Variants in ANKS1B observed in about 807,000 individuals in gnomAD.
ANKS1B encodes ankyrin repeat and sterile alpha motif domain-containing protein 1B.
ANKS1B carries 36 observed loss-of-function variants against 148.3 expected under a neutral mutation model. The observed-to-expected ratio is 0.24, with a 90% CI of 0.19 to 0.32. The LOEUF is 0.32. ANKS1B is among the 10% of genes least tolerant of loss of function. The probability of loss-of-function intolerance (pLI) is 1.00; values close to 1 mark genes in which losing one functional copy is unlikely to be tolerated. For missense variants in ANKS1B, 1,157 were observed against 1,542.6 expected (o/e 0.75, Z 4.19); for synonymous variants, 542 against 560.8 (o/e 0.97, Z 0.47).
intron 9 of ANKS1B, among the ~76,000 whole-genome samples, chr12:99,560,588 C>T (rs530871195): frequency 7.2e-5 from 11 of 152,056 alleles, no homozygotes; most frequent in African/African-American, 2.4e-4. Context: ...TCATTTCACC[C>T]GGGCATATAA....
chr12:99,564,198 A>T (rs2097365377), intron 9 of ANKS1B, among the ~76,000 whole-genome samples: 1 of 152,128 alleles, frequency 6.6e-6, no homozygotes, highest in Non-Finnish European at 1.5e-5. Flanking sequence ...AAATTTGCCA[A>T]AAGGTTCATA....
chr12:99,330,683 T>C (rs867658338), intron 12 of ANKS1B, among the ~76,000 whole-genome samples: 25 of 151,966 alleles, frequency 1.6e-4, no homozygotes, highest in African/African-American at 5.8e-4. Flanking sequence ...AGAAAATAAA[T>C]GCATAATTAG....
At chr12:99,165,036 A>G (rs930925209) in intron 14 of ANKS1B, among the ~76,000 whole-genome samples, 1 of 152,004 alleles carries the variant, frequency 6.6e-6, no homozygotes, top group Non-Finnish European at 1.5e-5. Context: ...AAACTGATTA[A>G]TCATAAAAGC....
chr12:99,697,744 TTAATAA>T (rs1218514700), intron 8 of ANKS1B, among the ~76,000 whole-genome samples: 13 of 152,122 alleles, frequency 8.5e-5, no homozygotes, highest in Non-Finnish European at 1.5e-4. Context: ...TGAACTTTAG[TTAATAA>T]TAATGTATCA....
intron 26 of ANKS1B, among the ~76,000 whole-genome samples, chr12:98,748,527 G>A (rs1429803519): frequency 6.6e-6 from 1 of 152,148 alleles, no homozygotes; most frequent in Non-Finnish European, 1.5e-5. Context: ...TTGTGGGAAG[G>A]CCTCTCCCAT....
At position 98,830,820 on chromosome 12, in the gene ANKS1B, C is replaced by A. The variant is rs145101026; in HGVS notation, c.2886+1209G>T. On this transcript the variant is annotated intron_variant, in intron 18 of 26. Coordinates refer to ENST00000683438, the MANE Select transcript of ANKS1B (RefSeq NM_001352186.2). Reference sequence around the variant, plus strand: ...GACTGCCGGCCACTTCTTGCCACTGCCATTTTTGCCTGGAAATCATCTTTC... The same window carrying A: ...GACTGCCGGCCACTTCTTGCCACTGACATTTTTGCCTGGAAATCATCTTTC... 1.1e-3 allele frequency among the ~76,000 whole-genome samples: 162 copies of A among 152,146 alleles called. 1 individual carries two copies. The highest frequency in any genetic ancestry group is 3.4e-3 in the Middle Eastern group (1 of 294).
intron 9 of ANKS1B, among the ~76,000 whole-genome samples, chr12:99,532,116 T>C (rs1408456954): frequency 6.6e-6 from 1 of 152,134 alleles, no homozygotes. Context: ...AGATATACAG[T>C]TTGTGGATAT....
intron 4 of ANKS1B, among the ~76,000 whole-genome samples, chr12:99,794,490 C>CACACACACACA (rs761141277): frequency 1.3e-5 from 2 of 149,554 alleles, no homozygotes; most frequent in African/African-American, 5.0e-5. Context: ...CACACACACA[C>CACACACACACA]ATTTTCTTGG....
chr12:98,989,819 G>A (rs1031836707), intron 17 of ANKS1B, among the ~76,000 whole-genome samples: 1 of 151,964 alleles, frequency 6.6e-6, no homozygotes, highest in African/African-American at 2.4e-5. Context: ...TTTGAGCCCA[G>A]GAGTTCAAGA....
intron 9 of ANKS1B, among the ~76,000 whole-genome samples, chr12:99,552,614 C>A (rs939737768): frequency 2.0e-5 from 3 of 152,118 alleles, no homozygotes; most frequent in African/African-American, 7.2e-5. Flanking sequence ...TATATTATGG[C>A]TGGGAATTAA....
intron 8 of ANKS1B, among the ~76,000 whole-genome samples, chr12:99,682,177 C>T (rs1420073733): frequency 6.6e-6 from 1 of 152,184 alleles, no homozygotes; most frequent in Admixed American, 6.5e-5. Flanking sequence ...CTTCAATACT[C>T]CACTGACAGC....
At chr12:99,218,787 C>T (rs1049569893) in intron 14 of ANKS1B, among the ~76,000 whole-genome samples, 1 of 152,112 alleles carries the variant, frequency 6.6e-6, no homozygotes, top group African/African-American at 2.4e-5. Flanking sequence ...ACTAATAGTG[C>T]CAAGCTCATA....
At chr12:99,008,142 C>T (rs1045700190) in intron 17 of ANKS1B, among the ~76,000 whole-genome samples, 4 of 152,096 alleles carry the variant, frequency 2.6e-5, no homozygotes, top group South Asian at 2.1e-4. Flanking sequence ...ATACTTAGCA[C>T]CTGTTTCCCC....
chr12:99,176,880 C>G (rs2078459041), intron 14 of ANKS1B, among the ~76,000 whole-genome samples: 1 of 152,154 alleles, frequency 6.6e-6, no homozygotes, highest in African/African-American at 2.4e-5. Flanking sequence ...CCTGTACAGC[C>G]TGCAGAGCCA....
At chr12:99,550,467 T>C (rs1216439076) in intron 9 of ANKS1B, among the ~76,000 whole-genome samples, 1 of 151,942 alleles carries the variant, frequency 6.6e-6, no homozygotes, top group Non-Finnish European at 1.5e-5. Context: ...CTACTAAAAA[T>C]ATACAAGTTA....
chr12:98,891,857 T>G (rs891030255), intron 17 of ANKS1B, among the ~76,000 whole-genome samples: 2 of 152,226 alleles, frequency 1.3e-5, no homozygotes, highest in Non-Finnish European at 2.9e-5. Context: ...GGTAGTCAAC[T>G]GGAGCCTATT....
intron 11 of ANKS1B, among the ~76,000 whole-genome samples, chr12:99,429,091 T>A (rs564480561): frequency 1.6e-4 from 25 of 152,248 alleles, no homozygotes; most frequent in African/African-American, 6.0e-4. Flanking sequence ...GAATGGGATA[T>A]TCACATAGTT....
chr12:98,955,492 G>A (rs1454251996), intron 17 of ANKS1B, among the ~76,000 whole-genome samples: 1 of 152,154 alleles, frequency 6.6e-6, no homozygotes, highest in Admixed American at 6.5e-5. Context: ...GCCAGAAGGG[G>A]GACAAGGTGG....
At chr12:99,802,331 C>A (rs567572218) in intron 4 of ANKS1B, among the ~76,000 whole-genome samples, 1 of 152,074 alleles carries the variant, frequency 6.6e-6, no homozygotes, top group Non-Finnish European at 1.5e-5. Flanking sequence ...TGATATGGCA[C>A]TATCGCTATC....
Sources: allele counts gnomAD v4.1 joint callset (sites outside exome capture counted in the v4.1 genomes callset), GRCh38; gene constraint gnomAD v4.1.1; transcripts MANE v1.5; gene names NCBI Gene and HGNC (gene_info 2026-07-23, HGNC 2026-07-21).